Variants in ANKFN1 observed in about 807,000 individuals in gnomAD.
ANKFN1 encodes the protein ankyrin repeat and fibronectin type III domain containing 1.
A neutral mutation model predicts 108.7 loss-of-function variants in ANKFN1; 74 were observed. The ratio of observed to expected loss-of-function variants is 0.68; its 90% CI spans 0.56 to 0.83. ANKFN1 has a LOEUF of 0.83. Ranked by LOEUF, ANKFN1 falls within the 40% of genes least tolerant of loss-of-function variation. ANKFN1 has a pLI of 0.00. For synonymous variants in ANKFN1, 547 were observed against 516.2 expected, an observed-to-expected ratio of 1.06 and a Z score of -0.81; for missense variants, 1,505 against 1,382.3, an observed-to-expected ratio of 1.09 and a Z score of -1.41.
intron 8 of ANKFN1, among the ~76,000 whole-genome samples, chr17:56,417,480 G>A (rs78570623): frequency 0.011 from 1,642 of 152,318 alleles, 24 homozygotes; most frequent in African/African-American, 0.034. Flanking sequence ...AAGCCCTGCA[G>A]CAGGGACTAT....
intron 11 of ANKFN1, among the ~76,000 whole-genome samples, chr17:56,451,210 A>G (rs920982052): frequency 6.6e-6 from 1 of 152,178 alleles, no homozygotes; most frequent in Admixed American, 6.5e-5. Flanking sequence ...TAAAGACTCT[A>G]ATAAACAGAC....
At chr17:56,216,068 T>C (rs1915406610) in intron 2 of ANKFN1, among the ~76,000 whole-genome samples, 1 of 152,250 alleles carries the variant, frequency 6.6e-6, no homozygotes. Flanking sequence ...GCAGCATCAA[T>C]TGAGGTCACC....
chr17:56,467,781 AAG>A (rs369889193), intron 15 of ANKFN1, among the ~76,000 whole-genome samples: 2,034 of 22,456 alleles, frequency 0.091, 110 homozygotes, highest in African/African-American at 0.17. Context: ...GAAAGAAAGA[AAG>A]AAAGAAAGAA....
intron 1 of ANKFN1, among the ~76,000 whole-genome samples, chr17:56,204,772 C>T (rs1468469859): frequency 6.6e-6 from 1 of 152,144 alleles, no homozygotes; most frequent in East Asian, 1.9e-4. Context: ...CCCAGCACCA[C>T]TGGTTTTAAA....
chr17:56,144,595 C>CT (rs1437004811), intron 4 of ANKFN1, among the ~76,000 whole-genome samples: 1 of 152,182 alleles, frequency 6.6e-6, no homozygotes, highest in Non-Finnish European at 1.5e-5. Flanking sequence ...TGGGTGCTTT[C>CT]TTCTCTCACT....
intron 1 of ANKFN1, among the ~76,000 whole-genome samples, chr17:56,169,955 G>A (rs1910502128): frequency 6.6e-6 from 1 of 152,166 alleles, no homozygotes; most frequent in African/African-American, 2.4e-5. Flanking sequence ...AGACTGCAGA[G>A]ATTGGGTTAA....
chr17:56,152,258 A>ATG (rs1211660209), upstream of ANKFN1, among the ~76,000 whole-genome samples: 256 of 84,468 alleles, frequency 3.0e-3, no homozygotes, highest in African/African-American at 7.6e-3. Flanking sequence ...ATATATATAT[A>ATG]TATATGTGTG....
chr17:56,278,301 C>CTG, intron 3 of ANKFN1, among the ~76,000 whole-genome samples: 1 of 152,194 alleles, frequency 6.6e-6, no homozygotes, highest in Non-Finnish European at 1.5e-5. Flanking sequence ...TGCTGCCACA[C>CTG]ACCCTCCCTC....
At chr17:56,111,296 G>T (rs77973475) in intron 4 of ANKFN1, among the ~76,000 whole-genome samples, 1 of 152,104 alleles carries the variant, frequency 6.6e-6, no homozygotes, top group Non-Finnish European at 1.5e-5. Flanking sequence ...CTGGACCCTG[G>T]TCTGCAGAGA....
intron 8 of ANKFN1, among the ~76,000 whole-genome samples, chr17:56,394,236 C>G (rs1598518620): frequency 6.6e-6 from 1 of 152,176 alleles, no homozygotes. Context: ...AGACCCCTGC[C>G]CCTTGTCTTC....
intron 8 of ANKFN1, among the ~76,000 whole-genome samples, chr17:56,405,902 A>G (rs1424812168): frequency 6.6e-6 from 1 of 152,182 alleles, no homozygotes; most frequent in African/African-American, 2.4e-5. Context: ...AACAACGGAT[A>G]TCTATGGTGG....
intron 1 of ANKFN1, among the ~76,000 whole-genome samples, chr17:56,183,691 T>G (rs575496139): frequency 1.4e-3 from 210 of 152,278 alleles, no homozygotes; most frequent in Non-Finnish European, 2.7e-3. Context: ...CTATACAGCC[T>G]GAAGAACTGT....
At chr17:56,363,213 A>G (rs1030437849) in intron 6 of ANKFN1, among the ~76,000 whole-genome samples, 7 of 151,994 alleles carry the variant, frequency 4.6e-5, no homozygotes, top group African/African-American at 1.7e-4. Flanking sequence ...ACAGAGGGAG[A>G]CTCCATCTCA....
intron 8 of ANKFN1, among the ~76,000 whole-genome samples, chr17:56,406,807 A>G (rs1198436719): frequency 6.6e-6 from 1 of 152,200 alleles, no homozygotes; most frequent in African/African-American, 2.4e-5. Flanking sequence ...ATAGCATTTC[A>G]GAGGTAATTT....
intron 9 of ANKFN1, among the ~76,000 whole-genome samples, chr17:56,442,528 A>T (rs919255559): frequency 7.2e-5 from 11 of 152,204 alleles, no homozygotes; most frequent in Non-Finnish European, 1.6e-4. Context: ...TGTGACTTTT[A>T]AAAATTTATA....
In ANKFN1 at chr17:56,513,727, G is replaced by T. The variant is rs1443432838; in HGVS notation, c.*2458G>T. Among the ~76,000 whole-genome samples the T allele has an allele frequency of 6.6e-6, 1 of 152,174 alleles. No individual in the cohort carries two copies. The highest frequency in any genetic ancestry group is 1.5e-5 in the Non-Finnish European group (1 of 68,034). On this transcript the variant is annotated 3_prime_UTR_variant, in exon 21 of 21. Coordinates refer to ENST00000682825, the MANE Select transcript of ANKFN1 (RefSeq NM_001370326.1). ...TGCTATTTTATATTGGGGACATAAG[G>T]TTACTTTTTCATCTTCTGTGAGGAA...
In ANKFN1 at chr17:56,516,909, T is replaced by C. The variant is rs1019299656; in HGVS notation, c.*5640T>C. 3.3e-5 allele frequency among the ~76,000 whole-genome samples: 5 copies of C among 152,208 alleles called. No homozygotes were observed. The South Asian group carries it at 1.0e-3, about 32-fold the overall frequency. ...AAGTCAAGCATGAAGTCAAAAAATATTTTTTATTCTTCATTAGATTTTTTG... is the reference window on the plus strand; with the variant it reads ...AAGTCAAGCATGAAGTCAAAAAATACTTTTTATTCTTCATTAGATTTTTTG... On this transcript the variant is annotated 3_prime_UTR_variant, in exon 21 of 21. Coordinates refer to ENST00000682825, the MANE Select transcript of ANKFN1 (RefSeq NM_001370326.1).
rs573694499 is a variant in ANKFN1, at chr17:56,273,263, G to T, written c.53+45306G>T. On this transcript the variant is annotated intron_variant, in intron 3 of 20. Transcript: ENST00000682825. ...GTGTTCATTTTCATTGTTATAAACA[G>T]CTCTTTGTAAATACCTTTATTTAAT... Among the ~76,000 whole-genome samples the T allele has an allele frequency of 3.3e-5, 5 of 152,042 alleles. No individual in the cohort carries two copies. In the South Asian group the frequency reaches 1.0e-3, roughly 32 times the overall value.
At chr17:56,449,003 C>A in intron 10 of ANKFN1, 76 bp from the exon 11 acceptor site, 2 of 1,285,416 alleles carry the variant, frequency 1.6e-6, no homozygotes, top group Non-Finnish European at 2.2e-6. Context: ...AGCAAAACTC[C>A]GGCTCCTGAC....
Sources: allele counts gnomAD v4.1 joint callset (sites outside exome capture counted in the v4.1 genomes callset), GRCh38; gene constraint gnomAD v4.1.1; transcripts MANE v1.5; gene names NCBI Gene and HGNC (gene_info 2026-07-23, HGNC 2026-07-21).